ERCC6L: variants seen among roughly 807,000 people sequenced by gnomAD.
ERCC6L encodes ERCC excision repair 6 like, spindle assembly checkpoint helicase.
ERCC6L carries 7 observed loss-of-function variants against 20.1 expected under a neutral mutation model. The observed-to-expected ratio is 0.35, with a 90% CI of 0.20 to 0.65. The LOEUF (loss-of-function observed/expected upper bound fraction) is 0.65, where lower values mean the gene tolerates loss of function less well. ERCC6L is among the 30% of genes least tolerant of loss of function. The pLI is 0.69. For missense variants in ERCC6L, 592 were observed against 892.4 expected (o/e 0.66, Z 4.29); for synonymous variants, 278 against 331.3 (o/e 0.84, Z 1.75).
In ERCC6L at chrX:72,207,387, T is replaced by C; in HGVS notation, c.1380A>G (p.Gly460=). ...VTDDTLMEES[G]KMIFLMDLLK... Reference sequence around the variant, plus strand: ...GTAGGTCCATTAGGAATATCATTTTTCCAGATTCTTCCATCAATGTGTCAT... The same window carrying C: ...GTAGGTCCATTAGGAATATCATTTTCCCAGATTCTTCCATCAATGTGTCAT... The change falls in exon 2 of 2, where the codon GGA becomes GGG. Residue 460 remains glycine, a synonymous_variant. Transcript: ENST00000334463. The C allele has an allele frequency of 8.3e-7, 1 of 1,211,239 alleles. No homozygotes were observed. Among genetic ancestry groups the C allele is most frequent in the Admixed American group, 2.2e-5 (1 of 45,971 alleles).
intron 1 of ERCC6L, among the ~76,000 whole-genome samples, chrX:72,210,062 AG>A (rs749054987): frequency 3.4e-4 from 37 of 108,644 alleles, no homozygotes; most frequent in African/African-American, 1.1e-3. Context: ...AAGCAACCAG[AG>A]GGGGGGAAGA....
At chrX:72,218,874 A>G (rs753895334) in intron 1 of ERCC6L, among the ~76,000 whole-genome samples, 1 of 112,651 alleles carries the variant, frequency 8.9e-6, no homozygotes, top group South Asian at 3.6e-4. Context: ...AATTTCTTTC[A>G]ACAATGTTTT....
In ERCC6L at chrX:72,238,964, T is replaced by A; in HGVS notation, c.-53A>T. The A allele has an allele frequency of 9.9e-7, 1 of 1,005,043 alleles. No individual in the cohort carries two copies. Among genetic ancestry groups the A allele is most frequent in the Non-Finnish European group, 1.4e-6 (1 of 726,916 alleles). 82.8% of individuals were successfully genotyped at this position (1,005,043 alleles called of 1,213,427 possible). ...CGGCGGGAGTTTGGAGCTTGGAGCT[T>A]GGAGCTTGGAGCTTGGAGCTTAGAG... is the stretch of plus-strand genomic sequence containing the variant. On this transcript the variant is annotated 5_prime_UTR_variant, in exon 1 of 2. An upstream open reading frame in the 5' UTR gains an earlier in-frame stop. Coordinates refer to ENST00000334463, the MANE Select transcript of ERCC6L (RefSeq NM_017669.4).
At chrX:72,208,986 G>A (rs955194900) in intron 1 of ERCC6L, among the ~76,000 whole-genome samples, 1 of 111,706 alleles carries the variant, frequency 9.0e-6, no homozygotes, top group Non-Finnish European at 1.9e-5. Context: ...CCCATAAGAA[G>A]TATGAAGTGA....
intron 1 of ERCC6L, among the ~76,000 whole-genome samples, chrX:72,230,604 A>C (rs1413886995): frequency 8.9e-6 from 1 of 112,225 alleles, no homozygotes; most frequent in East Asian, 2.8e-4. Context: ...TAACTCTTAC[A>C]AGTGTTGGCA....
chrX:72,230,131 C>G (rs779999501), intron 1 of ERCC6L, among the ~76,000 whole-genome samples: 2 of 108,819 alleles, frequency 1.8e-5, no homozygotes, highest in African/African-American at 6.7e-5. Flanking sequence ...GCCGAGATTG[C>G]GCCACTGCAC....
chrX:72,224,456 T>C lies in ERCC6L; in HGVS notation c.68+14388A>G, dbSNP rs148020007. The stretch of plus-strand genomic sequence containing the variant: ...CCCTCCTCAGACACTCCACATCAAA[T>C]AGACTTAAAACCCAAATTCCTGGCT... On this transcript the variant is annotated intron_variant, in intron 1 of 1. Coordinates refer to ENST00000334463, the MANE Select transcript of ERCC6L (RefSeq NM_017669.4). Among the ~76,000 whole-genome samples, 1,014 of 111,354 alleles carry C rather than the reference T, an allele frequency of 9.1e-3. 10 individuals carry two copies. Among genetic ancestry groups the C allele is most frequent in the African/African-American group, 0.031 (951 of 30,575 alleles).
intron 1 of ERCC6L, among the ~76,000 whole-genome samples, chrX:72,227,692 T>C (rs1330259059): frequency 4.5e-5 from 5 of 111,487 alleles, no homozygotes; most frequent in African/African-American, 6.5e-5. Context: ...GACTGGGTTC[T>C]CATAAAAGAT....
At chrX:72,229,310 T>C (rs1421637546) in intron 1 of ERCC6L, among the ~76,000 whole-genome samples, 1 of 111,919 alleles carries the variant, frequency 8.9e-6, no homozygotes, top group Non-Finnish European at 1.9e-5. Context: ...ATGGAGCATT[T>C]CCGCAACTGG....
intron 1 of ERCC6L, among the ~76,000 whole-genome samples, chrX:72,209,880 T>C (rs751686559): frequency 4.5e-5 from 5 of 111,383 alleles, no homozygotes; most frequent in African/African-American, 6.5e-5. Context: ...TGGATATCCA[T>C]GTGCAAAAGA....
intron 1 of ERCC6L, among the ~76,000 whole-genome samples, chrX:72,216,323 G>A (rs1034034162): frequency 9.0e-6 from 1 of 111,083 alleles, no homozygotes; most frequent in Non-Finnish European, 1.9e-5. Flanking sequence ...GCTTGGAACA[G>A]ATTATTTCTC....
intron 1 of ERCC6L, among the ~76,000 whole-genome samples, chrX:72,230,277 A>G (rs2042976156): frequency 9.0e-6 from 1 of 111,039 alleles, no homozygotes; most frequent in Admixed American, 9.6e-5. Flanking sequence ...AACCAGAGAC[A>G]TGCTAGCCCC....
At position 72,207,912 on chromosome X, in the gene ERCC6L, A is replaced by T. The variant is rs1256736812; in HGVS notation, c.855T>A (p.Thr285=). 3 of 1,209,658 alleles carry T rather than the reference A, an allele frequency of 2.5e-6. No individual in the cohort carries two copies. The highest frequency in any genetic ancestry group is 3.4e-6 in the Non-Finnish European group (3 of 895,119). ...CQGSLLGTLK[T]FKMEYENPIT... is the part of the protein sequence containing the mutation. ...TAGGATTTTCATACTCCATCTTAAA[A>T]GTTTTTAATGTTCCCAGCAGGGACC... is the stretch of plus-strand genomic sequence containing the variant. The change falls in exon 2 of 2, where the codon ACT becomes ACA. Residue 285 remains threonine, a synonymous_variant. Transcript: ENST00000334463.
At chrX:72,228,230 C>T (rs73624222) in intron 1 of ERCC6L, among the ~76,000 whole-genome samples, 26 of 112,184 alleles carry the variant, frequency 2.3e-4, no homozygotes, top group South Asian at 1.1e-3. Context: ...AAACTGCTGG[C>T]GAGGGTGCTC....
chrX:72,228,201 T>C (rs902672883), intron 1 of ERCC6L, among the ~76,000 whole-genome samples: 1 of 112,397 alleles, frequency 8.9e-6, no homozygotes, highest in African/African-American at 3.2e-5. Flanking sequence ...TCTCCTTTGT[T>C]CGGTGTACTC....
intron 1 of ERCC6L, among the ~76,000 whole-genome samples, chrX:72,219,938 T>G (rs1018460005): frequency 6.3e-5 from 7 of 111,366 alleles, no homozygotes; most frequent in Non-Finnish European, 1.1e-4. Flanking sequence ...GCCTTGTTCC[T>G]GATATGAGCG....
At position 72,208,121 on chromosome X, in the gene ERCC6L, T is replaced by C. The variant is rs2042831275; in HGVS notation, c.646A>G (p.Arg216Gly). ...INNWQQLSSF[R>G]GQEFVWDYVI... ...TAGTCCCACACAAACTCTTGGCCCC[T>C]AAAGCTTGAAAGTTGCTGCCAGTTA... The change falls in exon 2 of 2, where the codon AGG (arginine) becomes GGG (glycine). Residue 216 changes from arginine to glycine, a missense_variant. Arg to Gly is a moderately radical substitution (Grantham distance 125). Around this residue, in one of 3 missense-constraint regions of ERCC6L, gnomAD observed 196 missense variants for 440.1 expected, o/e 0.45. Coordinates refer to ENST00000334463, the MANE Select transcript of ERCC6L (RefSeq NM_017669.4). 1.2e-5 allele frequency: 14 copies of C among 1,211,837 alleles called. No individual in the cohort carries two copies. The East Asian group carries it at 4.1e-4, about 36-fold the overall frequency.
chrX:72,206,245 T>A lies in ERCC6L; in HGVS notation c.2522A>T (p.Glu841Val). 8.3e-7 allele frequency: 1 copy of A among 1,209,016 alleles called. No individual in the cohort carries two copies. The highest frequency in any genetic ancestry group is 1.1e-6 in the Non-Finnish European group (1 of 894,738). ...GMEKSFATKN[E>V]AVQKETLQEG... ...TTGTAATGTCTCTTTTTGTACAGCT[T>A]CATTTTTAGTTGCAAAGCTTTTTTC... is the stretch of plus-strand genomic sequence containing the variant. The change falls in exon 2 of 2, where the codon GAA (glutamate) becomes GTA (valine). Residue 841 changes from glutamate (E) to valine (V), a missense_variant. By Grantham distance (121) the Glu-to-Val change is moderately radical (BLOSUM62 -2). Transcript: ENST00000334463.
intron 1 of ERCC6L, among the ~76,000 whole-genome samples, chrX:72,228,276 A>C (rs1417590695): frequency 8.9e-6 from 1 of 112,323 alleles, no homozygotes; most frequent in African/African-American, 3.2e-5. Context: ...TGCTGAGGAA[A>C]TTAATTTTAT....
Sources: gnomAD v4.1 joint callset for allele counts (sites outside exome capture counted in the v4.1 genomes callset) on GRCh38, gnomAD v4.1.1 for gene constraint, gnomAD v4.1.1 regional missense constraint, MANE v1.5 for transcripts, NCBI Gene and HGNC (gene_info 2026-07-23, HGNC 2026-07-21) for gene names.